SPICE1: variants seen among roughly 807,000 people sequenced by gnomAD.
SPICE1 encodes the protein spindle and centriole-associated protein 1.
Under a neutral mutation model 102.7 loss-of-function variants are expected in SPICE1, and 75 were observed. That is an observed-to-expected ratio of 0.73 (90% CI 0.61 to 0.88). The LOEUF is 0.88. SPICE1 is among the 40% of genes least tolerant of loss of function. The probability of loss-of-function intolerance (pLI) is 0.00; values close to 1 mark genes in which losing one functional copy is unlikely to be tolerated. For missense variants in SPICE1, 979 were observed against 1,020.1 expected (o/e 0.96, Z 0.55); for synonymous variants, 308 against 350.3 (o/e 0.88, Z 1.35).
Position 113,488,961 on chromosome 3 carries a change from T to C in SPICE1, c.595A>G (p.Asn199Asp). ...ELDNSLNSQS[N>D]TNTDRFLQQL... ...TACACATACCTGTCTGTATTCGTGT[T>C]AGACTGAGAGTTTAGAGAGTTATCC... Residue 199 changes from asparagine (N) to aspartate (D), a missense_variant, in exon 7 of 18, where the codon AAC becomes GAC. Transcript: ENST00000295872. The C allele has an allele frequency of 6.2e-7, 1 of 1,609,628 alleles. No homozygotes were observed. The highest frequency in any genetic ancestry group is 8.5e-7 in the Non-Finnish European group (1 of 1,175,960).
chr3:113,449,784 A>G (rs1465284505), intron 15 of SPICE1: 2 of 154,816 alleles, frequency 1.3e-5, no homozygotes, highest in African/African-American at 2.4e-5. Flanking sequence ...GAGGGCCTTA[A>G]TAATGCAATT....
chr3:113,512,403 T>TTC (rs1206199770), intron 1 of SPICE1, among the ~76,000 whole-genome samples: 1 of 136,980 alleles, frequency 7.3e-6, no homozygotes, highest in East Asian at 2.3e-4. Flanking sequence ...CTGAAAAGCT[T>TTC]TCTTTTTTTT....
intron 4 of SPICE1, 129 bp downstream of exon 4, chr3:113,499,302 TGAAGTCCA>T: frequency 1.1e-6 from 1 of 947,714 alleles, no homozygotes; most frequent in Non-Finnish European, 1.5e-6. Flanking sequence ...TTGCTTTTTT[TGAAGTCCA>T]CATGTAGATT....
rs148037078 is a variant in SPICE1, at chr3:113,470,305, T to C, written c.612-1067A>G. Among the ~76,000 whole-genome samples, 709 of 152,296 alleles carry C rather than the reference T, an allele frequency of 4.7e-3. 7 individuals carry two copies. Among genetic ancestry groups the C allele is most frequent in the African/African-American group, 0.016 (672 of 41,564 alleles). On this transcript the variant is annotated intron_variant, in intron 7 of 17. Coordinates refer to ENST00000295872, the MANE Select transcript of SPICE1 (RefSeq NM_144718.4). ...GTAAAGTCGCTGTTAGGAAAGCATATTCTGGAGAGAAGGGCAAGAGTGTGG... is the reference window on the plus strand; with the variant it reads ...GTAAAGTCGCTGTTAGGAAAGCATACTCTGGAGAGAAGGGCAAGAGTGTGG...
In SPICE1 at chr3:113,471,821, G is replaced by A. The variant is rs374420962; in HGVS notation, c.612-2583C>T. Among the ~76,000 whole-genome samples the A allele has an allele frequency of 1.1e-3, 174 of 152,242 alleles. 2 individuals carry two copies. Among genetic ancestry groups the A allele is most frequent in the Non-Finnish European group, 2.1e-3 (146 of 68,012 alleles). ...TTCGGGAAGGGCAGCCAAGGTGGCC[G>A]AATAGGAACAGCTCCGGTCTACAGC... On this transcript the variant is annotated intron_variant, in intron 7 of 17. Coordinates refer to ENST00000295872, the MANE Select transcript of SPICE1 (RefSeq NM_144718.4).
chr3:113,470,854 T>C (rs992660359), intron 7 of SPICE1, among the ~76,000 whole-genome samples: 2 of 152,242 alleles, frequency 1.3e-5, no homozygotes, highest in African/African-American at 4.8e-5. Context: ...CTTTCTTCTT[T>C]GATTTTCCCT....
intron 7 of SPICE1, among the ~76,000 whole-genome samples, chr3:113,487,254 G>T (rs1489746071): frequency 6.6e-6 from 1 of 152,010 alleles, no homozygotes; most frequent in African/African-American, 2.4e-5. Flanking sequence ...TGTAATGTTT[G>T]GAGACATGCT....
Position 113,457,121 on chromosome 3 carries a change from T to C in SPICE1, c.1657+15A>G, listed in dbSNP as rs141414356. ...TTAAAAAACAACTTTCATGTAACTT[T>C]AGAAGAAGACTTACCGTCCTGAAGA... On this transcript the variant is annotated intron_variant, in intron 13 of 17. Coordinates refer to ENST00000295872, the MANE Select transcript of SPICE1 (RefSeq NM_144718.4). The C allele has an allele frequency of 7.2e-4, 1,151 of 1,608,410 alleles. 6 individuals are homozygous for C. In the African/African-American group the frequency reaches 0.013, roughly 18 times the overall value.
At position 113,468,348 on chromosome 3, in the gene SPICE1, C is replaced by G. The variant is rs144234337; in HGVS notation, c.946G>C (p.Gly316Arg). 5.6e-6 allele frequency: 9 copies of G among 1,614,046 alleles called. No homozygotes were observed. In the African/African-American group the frequency reaches 1.2e-4, roughly 22 times the overall value. ...LSKPKKNISS[G>R]STTSADLPNR... is the part of the protein sequence containing the mutation. ...GGTAAGTCTGCAGAGGTTGTGCTAC[C>G]TGATGATATGTTTTTCTTCGGCTTG... The change falls in exon 10 of 18, where the codon GGT becomes CGT. Residue 316 changes from glycine (G) to arginine (R), a missense_variant. Physicochemically the swap from Gly to Arg is moderately radical, Grantham distance 125. Transcript: ENST00000295872.
At chr3:113,491,465 C>CA (rs542896138) in intron 6 of SPICE1, among the ~76,000 whole-genome samples, 6,461 of 145,294 alleles carry the variant, frequency 0.044, 161 homozygotes, top group East Asian at 0.1. Context: ...CTAAAAAATA[C>CA]AAAAAAAAAA....
At chr3:113,474,577 T>C (rs1054593137) in intron 7 of SPICE1, among the ~76,000 whole-genome samples, 19 of 152,142 alleles carry the variant, frequency 1.2e-4, no homozygotes, top group Non-Finnish European at 2.5e-4. Flanking sequence ...ACAGAAATTA[T>C]AACAAACTGT....
intron 4 of SPICE1, among the ~76,000 whole-genome samples, chr3:113,495,590 G>C (rs1274365545): frequency 6.6e-6 from 1 of 152,194 alleles, no homozygotes; most frequent in Admixed American, 6.5e-5. Context: ...AGGGGTGGTA[G>C]ATGGATATGG....
intron 4 of SPICE1, chr3:113,498,867 T>A (rs1358056887): frequency 6.6e-6 from 1 of 152,302 alleles, no homozygotes; most frequent in Non-Finnish European, 1.5e-5. Context: ...ACATATCTGA[T>A]TACTTATCTG....
chr3:113,489,723 T>C (rs1458303627), intron 6 of SPICE1, among the ~76,000 whole-genome samples: 1 of 151,884 alleles, frequency 6.6e-6, no homozygotes, highest in East Asian at 1.9e-4. Context: ...AGCCCACACC[T>C]GTAGTCTCAG....
chr3:113,458,482 G>A (rs1001894212), intron 12 of SPICE1, among the ~76,000 whole-genome samples: 27 of 152,338 alleles, frequency 1.8e-4, no homozygotes, highest in African/African-American at 5.5e-4. Flanking sequence ...CCGAGGTGCC[G>A]GGATTGCAGA....
At chr3:113,469,055 C>A (rs1576629902) in intron 8 of SPICE1, 44 bp downstream of exon 8, 2 of 1,592,848 alleles carry the variant, frequency 1.3e-6, no homozygotes, top group South Asian at 1.1e-5. Flanking sequence ...AAGAATGAAC[C>A]TAATAAAGCA....
intron 4 of SPICE1, among the ~76,000 whole-genome samples, chr3:113,494,386 G>A (rs1206729842): frequency 6.6e-6 from 1 of 152,102 alleles, no homozygotes; most frequent in East Asian, 1.9e-4. Context: ...GGTGGCTCAC[G>A]CCTGTAATCC....
chr3:113,498,675 A>C (rs1490339880), intron 4 of SPICE1, among the ~76,000 whole-genome samples: 1 of 152,222 alleles, frequency 6.6e-6, no homozygotes, highest in Non-Finnish European at 1.5e-5. Context: ...CAAATTCCTC[A>C]AAAGAAAATG....
chr3:113,446,650 C>T lies in SPICE1; in HGVS notation c.2453G>A (p.Cys818Tyr), dbSNP rs941847324. The T allele has an allele frequency of 5.6e-6, 9 of 1,613,426 alleles. No individual in the cohort carries two copies. The highest frequency in any genetic ancestry group is 6.8e-6 in the Non-Finnish European group (8 of 1,179,694). ...TCCTGAGGTGGCATTTAGTGGAGAA[C>T]AAGAATTACCAGTAGCCCCGGAAGA... ...RRSSGATGNS[C>Y]SPLNATSGSG... Residue 818 changes from cysteine to tyrosine, a missense_variant, in exon 17 of 18, where the codon TGT becomes TAT. Cys to Tyr is a radical substitution (Grantham distance 194). Coordinates refer to ENST00000295872, the MANE Select transcript of SPICE1 (RefSeq NM_144718.4).
Sources: gnomAD v4.1 joint callset for allele counts (sites outside exome capture counted in the v4.1 genomes callset) on GRCh38, gnomAD v4.1.1 for gene constraint, MANE v1.5 for transcripts, NCBI Gene and HGNC (gene_info 2026-07-23, HGNC 2026-07-21) for gene names.